The following RAB9B variants were observed in gnomAD, a reference collection of about 807,000 sequenced individuals.
RAB9B encodes the protein RAB9B, member RAS oncogene family, also known as ras-related protein Rab-9B.
Under a neutral mutation model 8.9 loss-of-function variants are expected in RAB9B, and 1 was observed. That is an observed-to-expected ratio of 0.11 (90% confidence interval 0.04 to 0.53). The LOEUF is 0.53. RAB9B is among the 20% of genes least tolerant of loss of function. The probability of loss-of-function intolerance (pLI) is 0.93; values close to 1 mark genes in which losing one functional copy is unlikely to be tolerated. For missense variants in RAB9B, 82 were observed against 152.9 expected, an observed-to-expected ratio of 0.54 and a Z score of 2.45; for synonymous variants, 63 against 57.0, an observed-to-expected ratio of 1.10 and a Z score of -0.47.
chrX:103,805,625 A>G, the RAB9B span, among the ~76,000 whole-genome samples: 1 of 111,706 alleles, frequency 9.0e-6, no homozygotes, highest in African/African-American at 3.2e-5. Flanking sequence ...GGTTTTTCTC[A>G]TTATTAATTT....
chrX:103,785,285 C>A, the RAB9B span, among the ~76,000 whole-genome samples: 1 of 112,026 alleles, frequency 8.9e-6, no homozygotes, highest in Non-Finnish European at 1.9e-5. Context: ...CCATGTTGGC[C>A]AGGCTGGTCT....
chrX:103,826,884 A>G (rs1030008931), intron 2 of RAB9B, 121 bp downstream of exon 2: 1 of 111,737 alleles, frequency 8.9e-6, no homozygotes, highest in Admixed American at 9.5e-5. Context: ...AAAATTTAGT[A>G]GCCCTTAAAA....
At chrX:103,796,470 G>C in the RAB9B span, among the ~76,000 whole-genome samples, 1 of 110,361 alleles carries the variant, frequency 9.1e-6, no homozygotes. Context: ...CCCTGTCTCA[G>C]AAATAATAAT....
downstream of RAB9B, among the ~76,000 whole-genome samples, chrX:103,821,379 C>G (rs976027457): frequency 4.1e-4 from 45 of 109,299 alleles, no homozygotes; most frequent in Admixed American, 4.0e-3. Flanking sequence ...AATCTGTTTC[C>G]CAACAAATTC....
the RAB9B span, among the ~76,000 whole-genome samples, chrX:103,803,832 T>C: frequency 8.9e-6 from 1 of 112,593 alleles, no homozygotes; most frequent in African/African-American, 3.2e-5. Context: ...CGCCTCAGAC[T>C]CCCAAAGTGC....
the RAB9B span, chrX:103,788,329 T>G: frequency 3.2e-6 from 2 of 632,475 alleles, no homozygotes; most frequent in Non-Finnish European, 5.4e-6. Context: ...AGAATCCAAC[T>G]TTACAGCCAG....
chrX:103,782,348 T>C, the RAB9B span, among the ~76,000 whole-genome samples: 1 of 112,123 alleles, frequency 8.9e-6, no homozygotes, highest in Non-Finnish European at 1.9e-5. Flanking sequence ...CTTTGAGCTG[T>C]AGTGGAGCAG....
At chrX:103,813,745 C>CA in the RAB9B span, among the ~76,000 whole-genome samples, 661 of 8,538 alleles carry the variant, frequency 0.077, 246 homozygotes, top group African/African-American at 0.27. Flanking sequence ...AAATGGAAAG[C>CA]AAAAAAAAAA....
At chrX:103,803,602 T>C in the RAB9B span, among the ~76,000 whole-genome samples, 4 of 112,752 alleles carry the variant, frequency 3.5e-5, no homozygotes, top group South Asian at 1.1e-3. Context: ...TTTTTGAGAC[T>C]GAGTCTCGCT....
chrX:103,796,899 T>G, the RAB9B span, among the ~76,000 whole-genome samples: 2 of 96,061 alleles, frequency 2.1e-5, no homozygotes, highest in African/African-American at 7.9e-5. Flanking sequence ...TGGTACCTAG[T>G]GCCTGTAGTC....
the RAB9B span, chrX:103,777,053 A>T: frequency 4.6e-6 from 5 of 1,098,094 alleles, no homozygotes; most frequent in Non-Finnish European, 6.3e-6. Context: ...GGAATTCACA[A>T]GAGAATTTCC....
the RAB9B span, chrX:103,787,093 C>T: frequency 5.4e-4 from 124 of 228,782 alleles, no homozygotes; most frequent in Admixed American, 3.2e-4. Context: ...GTGATTGAGA[C>T]TTGGGCACCT....
chrX:103,830,007 C>T (rs2074697329), intron 1 of RAB9B, among the ~76,000 whole-genome samples: 1 of 111,724 alleles, frequency 9.0e-6, no homozygotes, highest in Admixed American at 9.5e-5. Flanking sequence ...TATAAGGTAA[C>T]TAAAGAGCAG....
chrX:103,810,856 C>T, the RAB9B span, among the ~76,000 whole-genome samples: 2 of 112,072 alleles, frequency 1.8e-5, no homozygotes, highest in Non-Finnish European at 3.8e-5. Context: ...CAGTACCTGA[C>T]GCTGGGAAGA....
the RAB9B span, among the ~76,000 whole-genome samples, chrX:103,778,863 C>T: frequency 8.9e-6 from 1 of 112,364 alleles, no homozygotes; most frequent in African/African-American, 3.2e-5. Context: ...TTGCAGTAAA[C>T]ACATTGTATC....
chrX:103,805,802 T>C, the RAB9B span, among the ~76,000 whole-genome samples: 1 of 112,173 alleles, frequency 8.9e-6, no homozygotes, highest in South Asian at 3.7e-4. Context: ...ATTTCTGATT[T>C]TTGTAAGTCA....
At chrX:103,817,614 T>C (rs2074644507), downstream of RAB9B, among the ~76,000 whole-genome samples, 1 of 110,113 alleles carries the variant, frequency 9.1e-6, no homozygotes, top group Admixed American at 9.8e-5. Flanking sequence ...ATATATACTA[T>C]ATATATGCAC....
chrX:103,816,829 A>G, the RAB9B span, among the ~76,000 whole-genome samples: 1 of 112,813 alleles, frequency 8.9e-6, no homozygotes, highest in Non-Finnish European at 1.9e-5. Flanking sequence ...ACATATAAAA[A>G]TGCTCATCAT....
At chrX:103,788,214 A>G in the RAB9B span, among the ~76,000 whole-genome samples, 1 of 111,600 alleles carries the variant, frequency 9.0e-6, no homozygotes, top group African/African-American at 3.3e-5. Flanking sequence ...GCTGTTCACA[A>G]CCCCAAAGCA....
Sources: allele counts gnomAD v4.1 joint callset (sites outside exome capture counted in the v4.1 genomes callset), GRCh38; gene constraint gnomAD v4.1.1; transcripts MANE v1.5; gene names NCBI Gene and HGNC (gene_info 2026-07-23, HGNC 2026-07-21).